Variants in SCHIP1 observed in about 807,000 individuals in gnomAD.
SCHIP1 encodes schwannomin-interacting protein 1.
In SCHIP1, 8 loss-of-function variants were observed where a neutral mutation model predicts 29.7. That is an observed-to-expected ratio of 0.27 (90% CI 0.16 to 0.49). The LOEUF (loss-of-function observed/expected upper bound fraction) is 0.49. SCHIP1 is among the 20% of genes least tolerant of loss of function. The probability of loss-of-function intolerance (pLI) is 0.99; values close to 1 mark genes in which losing one functional copy is unlikely to be tolerated. For missense variants in SCHIP1, 193 were observed against 294.6 expected (o/e 0.66, Z 2.52); for synonymous variants, 76 against 94.9 (o/e 0.80, Z 1.16).
chr3:159,650,069 A>AT, the SCHIP1 span, among the ~76,000 whole-genome samples: 3 of 152,148 alleles, frequency 2.0e-5, no homozygotes, highest in Non-Finnish European at 4.4e-5. Flanking sequence ...CTTTATTTTT[A>AT]TTTTTTAATT....
At chr3:159,391,963 G>T in the SCHIP1 span, among the ~76,000 whole-genome samples, 1 of 152,188 alleles carries the variant, frequency 6.6e-6, no homozygotes. Context: ...GGTTTGGTGT[G>T]TTTCCATAAC....
At chr3:159,639,995 T>G in the SCHIP1 span, among the ~76,000 whole-genome samples, 1 of 152,232 alleles carries the variant, frequency 6.6e-6, no homozygotes, top group Non-Finnish European at 1.5e-5. Context: ...TTAAAGATTA[T>G]GATTTGTATC....
chr3:159,448,211 C>T, the SCHIP1 span, among the ~76,000 whole-genome samples: 4 of 152,094 alleles, frequency 2.6e-5, no homozygotes, highest in East Asian at 1.9e-4. Context: ...TTGTTCTTCA[C>T]GCCTGTGATC....
the SCHIP1 span, among the ~76,000 whole-genome samples, chr3:159,650,003 C>G: frequency 1.3e-5 from 2 of 152,162 alleles, no homozygotes; most frequent in Non-Finnish European, 2.9e-5. Context: ...TACACTTTTT[C>G]ATAGAACCAC....
intron 2 of SCHIP1, among the ~76,000 whole-genome samples, chr3:159,880,939 A>G (rs1716374790): frequency 6.6e-6 from 1 of 152,098 alleles, no homozygotes; most frequent in Non-Finnish European, 1.5e-5. Context: ...TTGTGTTTTT[A>G]AGTAGTAATA....
chr3:159,569,342 AGT>A, the SCHIP1 span, among the ~76,000 whole-genome samples: 1 of 152,058 alleles, frequency 6.6e-6, no homozygotes, highest in Non-Finnish European at 1.5e-5. Context: ...AACAGGCCCC[AGT>A]GTGTGATGTT....
At chr3:159,424,874 G>T in the SCHIP1 span, among the ~76,000 whole-genome samples, 2 of 150,250 alleles carry the variant, frequency 1.3e-5, no homozygotes, top group East Asian at 3.9e-4. Flanking sequence ...AGAAGAGAGT[G>T]GGGGCCAATA....
the SCHIP1 span, among the ~76,000 whole-genome samples, chr3:159,757,917 G>A: frequency 6.6e-6 from 1 of 152,170 alleles, no homozygotes; most frequent in African/African-American, 2.4e-5. Flanking sequence ...AGAGTATCTT[G>A]TGAAAATGTT....
chr3:159,563,028 C>G, the SCHIP1 span, among the ~76,000 whole-genome samples: 2 of 152,276 alleles, frequency 1.3e-5, no homozygotes, highest in South Asian at 2.1e-4. Flanking sequence ...GGGGTTATAA[C>G]TGTGTTTGAC....
At chr3:159,789,728 C>T in the SCHIP1 span, among the ~76,000 whole-genome samples, 2 of 152,168 alleles carry the variant, frequency 1.3e-5, no homozygotes, top group Non-Finnish European at 2.9e-5. Context: ...GACCCTTAGC[C>T]TCGTGGCCCA....
the SCHIP1 span, among the ~76,000 whole-genome samples, chr3:159,668,205 T>C: frequency 6.6e-6 from 1 of 151,600 alleles, no homozygotes; most frequent in South Asian, 2.1e-4. Context: ...CCGTCTCTAC[T>C]AAAAATACCA....
chr3:159,593,315 C>A, the SCHIP1 span, among the ~76,000 whole-genome samples: 1 of 152,126 alleles, frequency 6.6e-6, no homozygotes, highest in South Asian at 2.1e-4. Context: ...CAGAGAAGCA[C>A]CCCTCCTGAA....
At chr3:159,653,863 T>A in the SCHIP1 span, among the ~76,000 whole-genome samples, 3 of 151,858 alleles carry the variant, frequency 2.0e-5, no homozygotes, top group African/African-American at 7.3e-5. Context: ...CTAGCATAAA[T>A]ACAAATATTT....
At position 159,881,435 on chromosome 3, in the gene SCHIP1, G is replaced by A. The variant is rs550405546; in HGVS notation, c.150-4772G>A. Reference sequence around the variant, plus strand: ...TGGCATAGCAGGACCAATGGCTCTCGAGCCACACTGGTTGTAGGCAGATAA... The same window carrying A: ...TGGCATAGCAGGACCAATGGCTCTCAAGCCACACTGGTTGTAGGCAGATAA... On this transcript the variant is annotated intron_variant, in intron 2 of 6. Transcript: ENST00000445224. Among the ~76,000 whole-genome samples, 25 of 152,292 alleles carry A rather than the reference G, an allele frequency of 1.6e-4. No individual in the cohort carries two copies. In the South Asian group the frequency reaches 4.8e-3, roughly 29 times the overall value.
chr3:159,850,558 A>AAG (rs1560081695), intron 1 of SCHIP1, among the ~76,000 whole-genome samples: 1 of 145,674 alleles, frequency 6.9e-6, no homozygotes. Flanking sequence ...AAAAAAAAAA[A>AAG]AAAAAAAAGG....
At chr3:159,609,719 A>G in the SCHIP1 span, among the ~76,000 whole-genome samples, 1 of 152,146 alleles carries the variant, frequency 6.6e-6, no homozygotes, top group African/African-American at 2.4e-5. Context: ...GAGTTGCCCT[A>G]CGAGCCCTGG....
the SCHIP1 span, among the ~76,000 whole-genome samples, chr3:159,504,228 A>ACAT: frequency 6.6e-6 from 1 of 152,206 alleles, no homozygotes; most frequent in Admixed American, 6.5e-5. Flanking sequence ...GTTATAGGAA[A>ACAT]CATTAAGTTC....
At chr3:159,765,054 G>A in the SCHIP1 span, 3 of 1,559,680 alleles carry the variant, frequency 1.9e-6, no homozygotes, top group Middle Eastern at 1.9e-4. Context: ...TGGATTGGGA[G>A]GCGCTGGAGA....
chr3:159,765,401 G>A, the SCHIP1 span: 3 of 437,616 alleles, frequency 6.9e-6, no homozygotes, highest in African/African-American at 6.2e-5. Flanking sequence ...TGGAACCGGC[G>A]ACTCATTTTA....
Sources: gnomAD v4.1 joint callset for allele counts (sites outside exome capture counted in the v4.1 genomes callset) on GRCh38, gnomAD v4.1.1 for gene constraint, MANE v1.5 for transcripts, NCBI Gene and HGNC (gene_info 2026-07-23, HGNC 2026-07-21) for gene names.